The following FANK1 variants were observed in gnomAD, a reference collection of about 807,000 sequenced individuals.
The protein encoded by FANK1 is fibronectin type III and ankyrin repeat domains 1.
In FANK1, 44 loss-of-function variants were observed where a neutral mutation model predicts 45.3. That is an observed-to-expected ratio of 0.97 (90% CI 0.76 to 1.25). FANK1 has a LOEUF of 1.25. Among genes scored for constraint, FANK1 ranks in the 50% most tolerant of loss-of-function variants. The pLI, the probability that FANK1 is intolerant of heterozygous loss-of-function variation, is 0.00. For synonymous variants in FANK1, 149 were observed against 152.5 expected (o/e 0.98, Z 0.17); for missense variants, 391 against 424.4 (o/e 0.92, Z 0.69).
At chr10:125,934,946 G>A (rs1252562014) in intron 1 of FANK1, among the ~76,000 whole-genome samples, 2 of 152,028 alleles carry the variant, frequency 1.3e-5, no homozygotes. Flanking sequence ...CTGAGCTGTG[G>A]CTCCCAGCAC....
At chr10:125,950,616 G>A (rs561455960) in intron 1 of FANK1, among the ~76,000 whole-genome samples, 7 of 152,292 alleles carry the variant, frequency 4.6e-5, no homozygotes, top group Admixed American at 6.5e-5. Context: ...AGGATGTGGA[G>A]AAATAGGAAC....
At position 125,986,241 on chromosome 10, in the gene FANK1, G is replaced by A. The variant is rs528661250; in HGVS notation, c.192-2310G>A. 1.1e-4 allele frequency among the ~76,000 whole-genome samples: 16 copies of A among 152,268 alleles called. No individual in the cohort carries two copies. The South Asian group carries it at 1.2e-3, about 12-fold the overall frequency. The stretch of plus-strand genomic sequence containing the variant: ...AGAGCAGGGAGGCAGAGACACGTAC[G>A]TGGTCAGAGGTGCCTCAATGTGCTT... On this transcript the variant is annotated intron_variant, in intron 2 of 10. Transcript: ENST00000368693.
At chr10:125,902,237 T>C (rs1437399562) in intron 1 of FANK1, among the ~76,000 whole-genome samples, 3 of 152,070 alleles carry the variant, frequency 2.0e-5, no homozygotes, top group Non-Finnish European at 4.4e-5. Context: ...ATTGTGCACA[T>C]GTACCCTAAA....
At chr10:125,998,871 A>C (rs1405758485) in intron 6 of FANK1, among the ~76,000 whole-genome samples, 1 of 152,244 alleles carries the variant, frequency 6.6e-6, no homozygotes, top group Non-Finnish European at 1.5e-5. Flanking sequence ...CTGTGGCTTG[A>C]CTATTCGACC....
Position 126,005,004 on chromosome 10 carries a change from A to C in FANK1, c.660A>C (p.Gly220=), listed in dbSNP as rs1953074888. ...CAGCTCTGCACTGGGCTGCAGATGG[A>C]GGCCACTGCAGTGTGATTGAGTGGA... ...GCTALHWAAD[G]GHCSVIEWMI... Residue 220 remains glycine (G), a synonymous_variant, in exon 7 of 11, where the codon GGA becomes GGC. Transcript: ENST00000368693. The C allele has an allele frequency of 6.2e-7, 1 of 1,614,138 alleles. No homozygotes were observed. The highest frequency in any genetic ancestry group is 1.3e-5 in the African/African-American group (1 of 75,052).
chr10:126,002,719 C>G (rs1247744906), intron 6 of FANK1, among the ~76,000 whole-genome samples: 1 of 151,740 alleles, frequency 6.6e-6, no homozygotes, highest in East Asian at 1.9e-4. Context: ...CTGTATACCC[C>G]CCACCTAGGC....
chr10:126,002,230 A>G (rs1210191915), intron 6 of FANK1, among the ~76,000 whole-genome samples: 1 of 152,106 alleles, frequency 6.6e-6, no homozygotes, highest in Non-Finnish European at 1.5e-5. Flanking sequence ...GAGAATCACT[A>G]GAACCCAGGA....
In FANK1 at chr10:125,995,540, TAA is replaced by T. The variant is rs750958774; in HGVS notation, c.398+44_398+45del. ...AGTTGTTTTTTTTCCCCCATGCCTA[TAA>T]AGTGCATAGAAATACATGCAGTAGT... On this transcript the variant is annotated intron_variant, in intron 4 of 10. Transcript: ENST00000368693. 4 of 1,565,896 alleles carry T rather than the reference TAA, an allele frequency of 2.6e-6. No homozygotes were observed. In the South Asian group the frequency reaches 4.4e-5, roughly 17 times the overall value.
intron 1 of FANK1, among the ~76,000 whole-genome samples, chr10:125,943,073 A>G (rs954402349): frequency 1.3e-5 from 2 of 152,218 alleles, no homozygotes; most frequent in East Asian, 1.9e-4. Context: ...CGGCTTCCCA[A>G]AGTGCTAGGA....
At position 125,911,814 on chromosome 10, in the gene FANK1, T is replaced by C. The variant is rs149068627; in HGVS notation, c.13+15159T>C. Among the ~76,000 whole-genome samples, 249 of 152,322 alleles carry C rather than the reference T, an allele frequency of 1.6e-3. 4 individuals carry two copies. The highest frequency in any genetic ancestry group is 5.2e-3 in the African/African-American group (218 of 41,574). On this transcript the variant is annotated intron_variant, in intron 1 of 10. Coordinates refer to ENST00000368693, the MANE Select transcript of FANK1 (RefSeq NM_145235.5). ...ACATGGTTAGAAGCTCCTTCAGAGT[T>C]ACGCCTGGGTCCTTATTTCTGTTTT...
intron 1 of FANK1, among the ~76,000 whole-genome samples, chr10:125,919,195 ATTTTTTTTTT>A (rs142716284): frequency 1.3e-3 from 65 of 51,880 alleles, no homozygotes; most frequent in East Asian, 2.0e-3. Context: ...GGAGGTAAGA[ATTTTTTTTTT>A]TTTTTTTTTT....
intron 1 of FANK1, among the ~76,000 whole-genome samples, chr10:125,918,594 A>C (rs1349210796): frequency 3.4e-5 from 4 of 117,428 alleles, no homozygotes; most frequent in Admixed American, 1.0e-4. Context: ...AAATATATAT[A>C]TATATATATA....
At chr10:125,945,247 G>C (rs967170072) in intron 1 of FANK1, among the ~76,000 whole-genome samples, 1 of 152,174 alleles carries the variant, frequency 6.6e-6, no homozygotes, top group African/African-American at 2.4e-5. Context: ...GGGGGGAGGA[G>C]CCAAGATGGC....
At chr10:125,978,284 C>T (rs1950976470) in intron 1 of FANK1, among the ~76,000 whole-genome samples, 3 of 151,708 alleles carry the variant, frequency 2.0e-5, no homozygotes, top group Non-Finnish European at 4.4e-5. Flanking sequence ...TGGGAGGTCC[C>T]GGCCAGTGAG....
In FANK1 at chr10:125,955,376, A is replaced by T. The variant is rs529587897; in HGVS notation, c.14-24785A>T. ...GTGTTTGGTTTTCTGTTCCTCCATTAGTTTGCTGAGGATAATGGCTTCCAG... is the reference window on the plus strand; with the variant it reads ...GTGTTTGGTTTTCTGTTCCTCCATTTGTTTGCTGAGGATAATGGCTTCCAG... On this transcript the variant is annotated intron_variant, in intron 1 of 10. Transcript: ENST00000368693. Among the ~76,000 whole-genome samples, 4 of 152,170 alleles carry T rather than the reference A, an allele frequency of 2.6e-5. No homozygotes were observed. In the South Asian group the frequency reaches 8.3e-4, roughly 32 times the overall value.
intron 1 of FANK1, among the ~76,000 whole-genome samples, chr10:125,903,991 A>C (rs1945271864): frequency 6.6e-6 from 1 of 152,104 alleles, no homozygotes. Flanking sequence ...CTGGGACCAC[A>C]GAATGTGATC....
chr10:125,920,269 T>C (rs535618827), intron 1 of FANK1, among the ~76,000 whole-genome samples: 4 of 152,334 alleles, frequency 2.6e-5, no homozygotes, highest in African/African-American at 9.6e-5. Flanking sequence ...ACTTAAGATA[T>C]AGACCAAACC....
At chr10:125,985,981 T>C (rs544187456) in intron 2 of FANK1, among the ~76,000 whole-genome samples, 6 of 152,286 alleles carry the variant, frequency 3.9e-5, no homozygotes, top group African/African-American at 1.4e-4. Context: ...CAGAAACTTC[T>C]GGGCATCTTA....
chr10:125,915,771 A>G (rs1315495479), intron 1 of FANK1, among the ~76,000 whole-genome samples: 1 of 152,210 alleles, frequency 6.6e-6, no homozygotes, highest in Non-Finnish European at 1.5e-5. Flanking sequence ...CCAGGATCAT[A>G]CCCTTGCATT....
Sources: allele counts gnomAD v4.1 joint callset (sites outside exome capture counted in the v4.1 genomes callset), GRCh38; gene constraint gnomAD v4.1.1; transcripts MANE v1.5; gene names NCBI Gene and HGNC (gene_info 2026-07-23, HGNC 2026-07-21).